The following CFAP54 variants were observed in gnomAD, a reference collection of about 807,000 sequenced individuals.
CFAP54 encodes the protein cilia and flagella associated protein 54.
In CFAP54, 290 loss-of-function variants were observed where a neutral mutation model predicts 370.4. The ratio of observed to expected loss-of-function variants is 0.78; its 90% CI spans 0.71 to 0.86. The LOEUF is 0.86. Among genes scored for constraint, CFAP54 ranks in the 40% least tolerant of loss-of-function variants. CFAP54 has a pLI of 0.00. For synonymous variants in CFAP54, 1,206 were observed against 1,236.5 expected (o/e 0.98, Z 0.52); for missense variants, 3,399 against 3,528.7 (o/e 0.96, Z 0.93).
At chr12:96,697,882 C>G (rs1259323842) in intron 45 of CFAP54, among the ~76,000 whole-genome samples, 1 of 152,210 alleles carries the variant, frequency 6.6e-6, no homozygotes, top group Non-Finnish European at 1.5e-5. Flanking sequence ...TCTTCAGGTT[C>G]TACTTGACCT....
chr12:96,559,383 C>T (rs931541780), intron 17 of CFAP54, among the ~76,000 whole-genome samples: 3 of 152,040 alleles, frequency 2.0e-5, no homozygotes, highest in Non-Finnish European at 2.9e-5. Context: ...TAAATATATA[C>T]ACCTACTATG....
At chr12:96,863,365 C>T (rs1351375237) in intron 67 of CFAP54, among the ~76,000 whole-genome samples, 1 of 152,182 alleles carries the variant, frequency 6.6e-6, no homozygotes, top group African/African-American at 2.4e-5. Flanking sequence ...TCCCTCCTGT[C>T]TTCACAAGAA....
intron 67 of CFAP54, among the ~76,000 whole-genome samples, chr12:96,870,964 C>T (rs1312552830): frequency 1.3e-5 from 2 of 152,112 alleles, no homozygotes; most frequent in East Asian, 1.9e-4. Context: ...TTGCAAAATA[C>T]GTAAGGGACA....
At chr12:96,729,990 GA>G (rs1219335921) in intron 50 of CFAP54, among the ~76,000 whole-genome samples, 1 of 152,188 alleles carries the variant, frequency 6.6e-6, no homozygotes, top group Non-Finnish European at 1.5e-5. Flanking sequence ...GTTCTGATAT[GA>G]TTGGCACACA....
chr12:96,777,229 A>T (rs779874771), intron 60 of CFAP54, among the ~76,000 whole-genome samples: 7 of 152,218 alleles, frequency 4.6e-5, no homozygotes, highest in Non-Finnish European at 1.0e-4. Context: ...GCACTTCAGT[A>T]TGCAGCAGGA....
At chr12:96,642,181 C>G (rs904394335) in intron 32 of CFAP54, among the ~76,000 whole-genome samples, 1 of 152,072 alleles carries the variant, frequency 6.6e-6, no homozygotes, top group African/African-American at 2.4e-5. Context: ...CTAGATTTGG[C>G]TAGCAGGAGC....
At position 96,621,894 on chromosome 12, in the gene CFAP54, T is replaced by G. The variant is rs760353138; in HGVS notation, c.3771+173T>G. On this transcript the variant is annotated intron_variant, in intron 27 of 67. Coordinates refer to ENST00000524981, the MANE Select transcript of CFAP54 (RefSeq NM_001306084.2). The stretch of plus-strand genomic sequence containing the variant: ...GGGTTTGTTTTTTTTTTTTTTTTTT[T>G]TTTTTTTTTTTTTAGTTATGGTCAA... 1.1e-3 allele frequency among the ~76,000 whole-genome samples: 153 copies of G among 137,442 alleles called. 3 individuals carry two copies. Among genetic ancestry groups the G allele is most frequent in the Non-Finnish European group, 2.1e-3 (134 of 63,982 alleles). The allele number at this position is 137,442 out of a possible 152,430, so 90.2% of individuals were successfully genotyped here.
At chr12:96,536,977 T>A (rs1010131611) in intron 12 of CFAP54, among the ~76,000 whole-genome samples, 3 of 137,040 alleles carry the variant, frequency 2.2e-5, no homozygotes, top group Non-Finnish European at 4.7e-5. Context: ...TCAATTCAAT[T>A]CAATTCAATA....
intron 22 of CFAP54, among the ~76,000 whole-genome samples, chr12:96,584,335 G>C (rs776299457): frequency 5.3e-5 from 8 of 151,986 alleles, no homozygotes; most frequent in Non-Finnish European, 7.4e-5. Context: ...GTGGTGGCAC[G>C]CACCTGTAAT....
At chr12:96,627,910 A>G (rs1956564438) in intron 30 of CFAP54, among the ~76,000 whole-genome samples, 1 of 152,214 alleles carries the variant, frequency 6.6e-6, no homozygotes, top group Non-Finnish European at 1.5e-5. Flanking sequence ...AGAATAAGAG[A>G]TATTCTGGAA....
chr12:96,666,965 C>T (rs764563332), intron 39 of CFAP54, among the ~76,000 whole-genome samples: 1 of 152,332 alleles, frequency 6.6e-6, no homozygotes, highest in South Asian at 2.1e-4. Context: ...AGTGGGGGTA[C>T]AGGCATTGGA....
chr12:96,848,486 C>A (rs184441662), intron 66 of CFAP54, among the ~76,000 whole-genome samples: 1,524 of 152,256 alleles, frequency 0.01, 23 homozygotes, highest in African/African-American at 0.033. Flanking sequence ...ATCACGAGGT[C>A]AAGAGATCGA....
intron 32 of CFAP54, among the ~76,000 whole-genome samples, chr12:96,638,699 G>C (rs763955852): frequency 9.2e-5 from 14 of 152,014 alleles, no homozygotes; most frequent in Non-Finnish European, 1.5e-4. Context: ...GATTCTTTTA[G>C]AACTCTTTGT....
chr12:96,547,493 G>T (rs961087690), intron 14 of CFAP54, among the ~76,000 whole-genome samples: 5 of 152,168 alleles, frequency 3.3e-5, no homozygotes, highest in African/African-American at 1.2e-4. Context: ...GCCTCTGAAA[G>T]ATTTTAAATG....
intron 1 of CFAP54, among the ~76,000 whole-genome samples, chr12:96,491,391 T>C (rs534964248): frequency 1.2e-4 from 18 of 152,290 alleles, no homozygotes; most frequent in African/African-American, 4.3e-4. Flanking sequence ...GGAGCTACTA[T>C]GTAGGTAGTT....
In CFAP54 at chr12:96,801,701, A is replaced by G. The variant is rs899745501; in HGVS notation, c.8850+9202A>G. ...CATTTGAGGAACAGAATAAATTTGA[A>G]TTATGTTTATAACTTGGGAAGGCTC... On this transcript the variant is annotated intron_variant, in intron 63 of 67. Transcript: ENST00000524981. 6.6e-5 allele frequency among the ~76,000 whole-genome samples: 10 copies of G among 152,186 alleles called. No individual in the cohort carries two copies. In the East Asian group the frequency reaches 1.3e-3, roughly 20 times the overall value.
Position 96,755,755 on chromosome 12 carries a change from C to T in CFAP54, c.7841-703C>T, listed in dbSNP as rs190120956. Among the ~76,000 whole-genome samples, 852 of 149,304 alleles carry T rather than the reference C, an allele frequency of 5.7e-3. 10 individuals are homozygous for T. The highest frequency in any genetic ancestry group is 0.02 in the African/African-American group (801 of 40,622). ...TGATCTCGGCTCACTGCAACCTCCA[C>T]CTCCCAGGTTCAAGTGATTCTCCTG... On this transcript the variant is annotated intron_variant, in intron 56 of 67. Transcript: ENST00000524981.
chr12:96,710,747 C>G (rs1957602750), intron 48 of CFAP54, among the ~76,000 whole-genome samples: 1 of 151,952 alleles, frequency 6.6e-6, no homozygotes, highest in South Asian at 2.1e-4. Context: ...GCAACCTCCG[C>G]CTCCCAAGTT....
intron 64 of CFAP54, among the ~76,000 whole-genome samples, chr12:96,814,091 C>T (rs1291310816): frequency 6.6e-6 from 1 of 152,152 alleles, no homozygotes; most frequent in African/African-American, 2.4e-5. Context: ...TTTACTCTGC[C>T]AGCACAGGCA....
Sources: gnomAD v4.1 joint callset for allele counts (sites outside exome capture counted in the v4.1 genomes callset) on GRCh38, gnomAD v4.1.1 for gene constraint, MANE v1.5 for transcripts, NCBI Gene and HGNC (gene_info 2026-07-23, HGNC 2026-07-21) for gene names.